The following AGPAT3 variants were observed in gnomAD, a reference collection of about 807,000 sequenced individuals.
The protein encoded by AGPAT3 is 1-acyl-sn-glycerol-3-phosphate acyltransferase gamma.
AGPAT3 carries 5 observed loss-of-function variants against 47.3 expected under a neutral mutation model. The observed-to-expected ratio is 0.11, with a 90% CI of 0.06 to 0.22. The LOEUF is 0.22. Ranked by LOEUF, AGPAT3 falls within the 10% of genes least tolerant of loss-of-function variation. The pLI is 1.00. For missense variants in AGPAT3, 315 were observed against 493.0 expected (o/e 0.64, Z 3.42); for synonymous variants, 212 against 208.3 (o/e 1.02, Z -0.15).
chr21:43,910,064 C>T (rs947880618), intron 2 of AGPAT3, among the ~76,000 whole-genome samples: 1 of 152,172 alleles, frequency 6.6e-6, no homozygotes, highest in African/African-American at 2.4e-5. Flanking sequence ...AAACCCACAG[C>T]GTGACCCGTG....
rs142606716 is a variant in AGPAT3, at chr21:43,971,087, C to G, written c.664+281C>G. ...TGTATCTTATTAATCCAAAAGGAGT[C>G]AAAATAAAAGAAAGGGACAAAGAAC... On this transcript the variant is annotated intron_variant, in intron 6 of 9. Transcript: ENST00000291572. 7.3e-3 allele frequency among the ~76,000 whole-genome samples: 1,114 copies of G among 152,096 alleles called. 7 individuals carry two copies. The highest frequency in any genetic ancestry group is 0.011 in the Non-Finnish European group (776 of 67,986).
At position 43,880,796 on chromosome 21, in the gene AGPAT3, G is replaced by C. The variant is rs763064515; in HGVS notation, c.-112+15451G>C. Among the ~76,000 whole-genome samples, 11 of 152,246 alleles carry C rather than the reference G, an allele frequency of 7.2e-5. No homozygotes were observed. The highest frequency in any genetic ancestry group is 2.4e-5 in the African/African-American group (1 of 41,464). On this transcript the variant is annotated intron_variant, in intron 1 of 9. Transcript: ENST00000291572. The surrounding 1 kb of genome is among the most constrained non-coding windows in gnomAD (Gnocchi z 4.5). ...CCTGCTCACTGGCATTAAGTGGGCA[G>C]GCGGCTTATTGCTGAGTGATGGTCC...
At chr21:43,953,921 C>T (rs895538494) in intron 2 of AGPAT3, among the ~76,000 whole-genome samples, 10 of 152,182 alleles carry the variant, frequency 6.6e-5, no homozygotes, top group African/African-American at 2.4e-4. Flanking sequence ...ATCACTTGAG[C>T]CTAGGAGATC....
At chr21:43,968,952 T>C (rs1356609756) in intron 4 of AGPAT3, among the ~76,000 whole-genome samples, 166 bp from the exon 5 acceptor site, 4 of 151,748 alleles carry the variant, frequency 2.6e-5, no homozygotes, top group Admixed American at 1.3e-4. Flanking sequence ...GGCGACCCAC[T>C]CACCCTCAGA....
At chr21:43,918,098 GTTGT>G (rs2086793748) in intron 2 of AGPAT3, among the ~76,000 whole-genome samples, 1 of 146,954 alleles carries the variant, frequency 6.8e-6, no homozygotes, top group African/African-American at 2.5e-5. Flanking sequence ...TGGGTGTTGT[GTTGT>G]GGGTGTTGTG....
At chr21:43,958,953 A>ATGTTTTGCGGTGTGTGTGGCG (rs2088652115) in intron 2 of AGPAT3, among the ~76,000 whole-genome samples, 1 of 54,102 alleles carries the variant, frequency 1.8e-5, no homozygotes, top group Non-Finnish European at 3.5e-5. Flanking sequence ...TGTGGCGTGT[A>ATGTTTTGCGGTGTGTGTGGCG]TGTGGTTTTG....
intron 1 of AGPAT3, chr21:43,867,685 G>C (rs902393229): frequency 6.6e-6 from 1 of 152,214 alleles, no homozygotes; most frequent in South Asian, 2.1e-4. Context: ...AGGTATCGCC[G>C]GTGGACTGGT....
chr21:43,982,438 G>A lies in AGPAT3; in HGVS notation c.*46G>A, dbSNP rs756131900. On this transcript the variant is annotated 3_prime_UTR_variant, in exon 10 of 10. Coordinates refer to ENST00000291572, the MANE Select transcript of AGPAT3 (RefSeq NM_020132.5). This position sits in a 1 kb window ranked among gnomAD's most constrained non-coding sequence, Gnocchi z 6.2. Reference sequence around the variant, plus strand: ...CACGCGGCCCTGACGGTGGTATCCAGTTAACTCAAAACCAACACACAGAGT... The same window carrying A: ...CACGCGGCCCTGACGGTGGTATCCAATTAACTCAAAACCAACACACAGAGT... 145 of 1,434,230 alleles carry A rather than the reference G, an allele frequency of 1.0e-4. No homozygotes were observed. Among genetic ancestry groups the A allele is most frequent in the Non-Finnish European group, 1.4e-4 (141 of 1,021,442 alleles). The allele number at this position is 1,434,230 out of a possible 1,614,324, so 88.8% of individuals were successfully genotyped here.
intron 2 of AGPAT3, among the ~76,000 whole-genome samples, chr21:43,923,235 G>A (rs1009372299): frequency 6.7e-6 from 1 of 148,350 alleles, no homozygotes; most frequent in Non-Finnish European, 1.5e-5. Context: ...GGGGTGGGGG[G>A]AGTCGCTGTC....
chr21:43,953,512 C>T (rs1360103273), intron 2 of AGPAT3, among the ~76,000 whole-genome samples: 3 of 152,140 alleles, frequency 2.0e-5, no homozygotes, highest in African/African-American at 7.2e-5. Context: ...TATTTCATTG[C>T]AGAATATTAG....
At position 43,899,631 on chromosome 21, in the gene AGPAT3, G is replaced by A. The variant is rs535912770; in HGVS notation, c.-111-4326G>A. Among the ~76,000 whole-genome samples, 112 of 152,326 alleles carry A rather than the reference G, an allele frequency of 7.4e-4. 1 individual carries two copies. The highest frequency in any genetic ancestry group is 2.3e-3 in the African/African-American group (94 of 41,588). On this transcript the variant is annotated intron_variant, in intron 1 of 9. Coordinates refer to ENST00000291572, the MANE Select transcript of AGPAT3 (RefSeq NM_020132.5). The stretch of plus-strand genomic sequence containing the variant: ...GCTGGCCGCGGTGAGCAGCGGCAGC[G>A]CTGTGGTTCTGGCTCTTGCCTTCCT...
intron 3 of AGPAT3, among the ~76,000 whole-genome samples, chr21:43,961,749 T>C (rs1460196217): frequency 6.6e-6 from 1 of 151,560 alleles, no homozygotes; most frequent in East Asian, 2.0e-4. Flanking sequence ...GGTGAGCGCG[T>C]ATACACTTTG....
At chr21:43,902,589 G>T (rs1422704639) in intron 1 of AGPAT3, among the ~76,000 whole-genome samples, 1 of 152,228 alleles carries the variant, frequency 6.6e-6, no homozygotes, top group Non-Finnish European at 1.5e-5. Context: ...GGAAGCAGCT[G>T]GCCCGTGTCT....
At chr21:43,866,598 T>C (rs2085512633) in intron 1 of AGPAT3, 1 of 151,940 alleles carries the variant, frequency 6.6e-6, no homozygotes, top group South Asian at 2.1e-4. Flanking sequence ...TTCCAACCAA[T>C]CCTCCTCCCC....
intron 2 of AGPAT3, among the ~76,000 whole-genome samples, chr21:43,928,906 C>T (rs527520029): frequency 6.6e-4 from 100 of 152,350 alleles, no homozygotes; most frequent in Non-Finnish European, 1.2e-3. Flanking sequence ...CTTGGCCCCA[C>T]CCTAGGTGGC....
chr21:43,896,861 T>G (rs2086227110), intron 1 of AGPAT3, among the ~76,000 whole-genome samples: 1 of 152,066 alleles, frequency 6.6e-6, no homozygotes, highest in Admixed American at 6.5e-5. Flanking sequence ...TTTTAATTTT[T>G]CTGTATCTTT....
intron 8 of AGPAT3, among the ~76,000 whole-genome samples, chr21:43,979,608 G>T (rs2089768378): frequency 6.6e-6 from 1 of 152,176 alleles, no homozygotes; most frequent in African/African-American, 2.4e-5. Flanking sequence ...TTACCTCCCA[G>T]CACAGAGAAA....
chr21:43,890,193 A>C (rs1018640226), intron 1 of AGPAT3, among the ~76,000 whole-genome samples: 15 of 151,996 alleles, frequency 9.9e-5, no homozygotes, highest in African/African-American at 3.6e-4. Context: ...ACTGTGATAG[A>C]GTTGTCGTGA....
chr21:43,912,221 G>T (rs1039323563), intron 2 of AGPAT3, among the ~76,000 whole-genome samples: 1 of 152,272 alleles, frequency 6.6e-6, no homozygotes, highest in Non-Finnish European at 1.5e-5. Context: ...AGTCCAGCCT[G>T]CCAGAGTGGC....
Sources: gnomAD v4.1 joint callset for allele counts (sites outside exome capture counted in the v4.1 genomes callset) on GRCh38, gnomAD v4.1.1 for gene constraint, Gnocchi (gnomAD v3.1) non-coding constraint, MANE v1.5 for transcripts, NCBI Gene and HGNC (gene_info 2026-07-23, HGNC 2026-07-21) for gene names.